The following UHRF2 variants were observed in gnomAD, a reference collection of about 807,000 sequenced individuals.
UHRF2 encodes E3 ubiquitin-protein ligase UHRF2.
In UHRF2, 23 loss-of-function variants were observed where a neutral mutation model predicts 96.8. The observed-to-expected ratio is 0.24, with a 90% CI of 0.17 to 0.34. The LOEUF is 0.34. Among genes scored for constraint, UHRF2 ranks in the 10% least tolerant of loss-of-function variants. The pLI is 1.00. For synonymous variants in UHRF2, 385 were observed against 332.6 expected (o/e 1.16, Z -1.72); for missense variants, 685 against 981.5 (o/e 0.70, Z 4.04).
rs1824317962 is a variant in UHRF2 at position 6,486,818 on chromosome 9, T to C, written c.1393-3T>C. The C allele has an allele frequency of 6.2e-7, 1 of 1,613,914 alleles. No individual in the cohort carries two copies. Among genetic ancestry groups the C allele is most frequent in the Non-Finnish European group, 8.5e-7 (1 of 1,179,828 alleles). On this transcript the variant is annotated splice_polypyrimidine_tract_variant and splice_region_variant and intron_variant, in intron 8 of 15. Coordinates refer to ENST00000276893, the MANE Select transcript of UHRF2 (RefSeq NM_152896.3). Reference sequence around the variant, plus strand: ...TTTGAGACTCTCTTTAATTGTTTTATAGGTGAGCGAAGCAGGTGTTCACAG... The same window carrying C: ...TTTGAGACTCTCTTTAATTGTTTTACAGGTGAGCGAAGCAGGTGTTCACAG...
rs1390688776 is a variant in UHRF2, at chr9:6,497,981, T to G, written c.1768-37T>G. On this transcript the variant is annotated intron_variant, in intron 11 of 15. Coordinates refer to ENST00000276893, the MANE Select transcript of UHRF2 (RefSeq NM_152896.3). Reference sequence around the variant, plus strand: ...CTAATGTGATGAATAAGTCTAAATTTTAAATCTCAAACTGGCACTGAAATA... The same window carrying G: ...CTAATGTGATGAATAAGTCTAAATTGTAAATCTCAAACTGGCACTGAAATA... The G allele has an allele frequency of 2.5e-6, 4 of 1,606,010 alleles. No individual in the cohort carries two copies. The South Asian group carries it at 4.4e-5, about 18-fold the overall frequency.
At chr9:6,476,923 G>C (rs373779568) in intron 5 of UHRF2, among the ~76,000 whole-genome samples, 1 of 152,068 alleles carries the variant, frequency 6.6e-6, no homozygotes, top group African/African-American at 2.4e-5. Flanking sequence ...CCTCACACTT[G>C]ATTATTCTTT....
intron 4 of UHRF2, among the ~76,000 whole-genome samples, chr9:6,470,990 TAAAA>T (rs1289252330): frequency 1.3e-5 from 2 of 151,980 alleles, no homozygotes; most frequent in African/African-American, 4.8e-5. Context: ...TAGATTAAAA[TAAAA>T]AAATCCACAT....
chr9:6,494,928 C>G (rs1056992014), intron 10 of UHRF2: 2 of 152,116 alleles, frequency 1.3e-5, no homozygotes, highest in Non-Finnish European at 1.5e-5. Flanking sequence ...TTTTACTGAA[C>G]CAGCAGAGGA....
At chr9:6,443,090 T>C (rs1361356117) in intron 3 of UHRF2, among the ~76,000 whole-genome samples, 4 of 152,196 alleles carry the variant, frequency 2.6e-5, no homozygotes, top group African/African-American at 9.7e-5. Context: ...CAAGGAAGTG[T>C]CTATGTAAAG....
In UHRF2 at chr9:6,488,669, T is replaced by C. The variant is rs902710103; in HGVS notation, c.1497+1744T>C. Among the ~76,000 whole-genome samples the C allele has an allele frequency of 1.5e-4, 22 of 149,864 alleles. No homozygotes were observed. The South Asian group carries it at 4.7e-3, about 32-fold the overall frequency. On this transcript the variant is annotated intron_variant, in intron 9 of 15. Coordinates refer to ENST00000276893, the MANE Select transcript of UHRF2 (RefSeq NM_152896.3). ...GCTGGGATTACAGGCGGCCGGTTAA[T>C]TTTTGTGTTTTTACTAGAGATGGGG...
At chr9:6,418,016 C>T (rs1012462627) in intron 1 of UHRF2, among the ~76,000 whole-genome samples, 1 of 152,102 alleles carries the variant, frequency 6.6e-6, no homozygotes, top group Non-Finnish European at 1.5e-5. Flanking sequence ...AGTTAATTTG[C>T]ATGTTTTATA....
At chr9:6,500,009 G>C (rs947880833) in intron 13 of UHRF2, 78 bp downstream of exon 13, 1 of 1,171,770 alleles carries the variant, frequency 8.5e-7, no homozygotes, top group African/African-American at 1.5e-5. Context: ...TCTCACTCTT[G>C]TCACCCAGGC....
At chr9:6,426,950 T>C (rs1476607092) in intron 2 of UHRF2, among the ~76,000 whole-genome samples, 1 of 151,430 alleles carries the variant, frequency 6.6e-6, no homozygotes, top group East Asian at 1.9e-4. Context: ...GATTTCACCA[T>C]GTTGGCTAGG....
At chr9:6,477,863 G>A (rs2130899638) in intron 6 of UHRF2, 55 bp downstream of exon 6, 1 of 1,433,918 alleles carries the variant, frequency 7.0e-7, no homozygotes, top group East Asian at 2.3e-5. Context: ...CATGAAATAT[G>A]TATTTGAACC....
intron 4 of UHRF2, among the ~76,000 whole-genome samples, chr9:6,471,408 CAT>C (rs1453555955): frequency 6.6e-6 from 1 of 152,230 alleles, no homozygotes; most frequent in African/African-American, 2.4e-5. Context: ...TACTCACCCT[CAT>C]GTGGTTTTCA....
chr9:6,443,690 T>C (rs572875165), intron 3 of UHRF2, among the ~76,000 whole-genome samples: 9 of 152,370 alleles, frequency 5.9e-5, no homozygotes, highest in African/African-American at 2.2e-4. Context: ...CTTTTTAGTA[T>C]TAAAAGGGTT....
chr9:6,447,395 T>C (rs868156228), intron 3 of UHRF2, among the ~76,000 whole-genome samples: 9 of 152,110 alleles, frequency 5.9e-5, no homozygotes, highest in African/African-American at 1.9e-4. Context: ...TGCTCCTCAG[T>C]GAAAAATTGC....
intron 3 of UHRF2, among the ~76,000 whole-genome samples, chr9:6,444,280 G>GTTC (rs1320074294): frequency 6.6e-6 from 1 of 152,198 alleles, no homozygotes; most frequent in East Asian, 1.9e-4. Flanking sequence ...AAGACTTAGA[G>GTTC]TATTTCCTCT....
chr9:6,489,043 C>G (rs964787050), intron 9 of UHRF2, among the ~76,000 whole-genome samples: 1 of 152,046 alleles, frequency 6.6e-6, no homozygotes, highest in East Asian at 1.9e-4. Context: ...CTCCTGACCT[C>G]AAGTGACCCG....
intron 1 of UHRF2, among the ~76,000 whole-genome samples, chr9:6,419,581 T>C (rs1273768308): frequency 6.6e-6 from 1 of 152,242 alleles, no homozygotes; most frequent in Non-Finnish European, 1.5e-5. Context: ...CTTAATGTCT[T>C]TATGAAAAAT....
intron 1 of UHRF2, among the ~76,000 whole-genome samples, chr9:6,420,218 G>C (rs1819849048): frequency 6.6e-6 from 1 of 151,818 alleles, no homozygotes; most frequent in Non-Finnish European, 1.5e-5. Flanking sequence ...ACCACGCCCA[G>C]CTAATACTTT....
chr9:6,463,241 A>G (rs977439750), intron 4 of UHRF2, among the ~76,000 whole-genome samples: 1 of 151,888 alleles, frequency 6.6e-6, no homozygotes. Context: ...AGGTCATGCC[A>G]TTGCACTCCA....
chr9:6,414,912 A>G lies in UHRF2; in HGVS notation c.153+1269A>G, dbSNP rs368890438. ...ACTTCTTAGTGTTTGACTTGTAAAA[A>G]CAGGTATTTAGTTGTAAGCTTTGCT... On this transcript the variant is annotated intron_variant, in intron 1 of 15. Coordinates refer to ENST00000276893, the MANE Select transcript of UHRF2 (RefSeq NM_152896.3). Among the ~76,000 whole-genome samples, 28 of 152,328 alleles carry G rather than the reference A, an allele frequency of 1.8e-4. No individual in the cohort carries two copies. In the South Asian group the frequency reaches 5.4e-3, roughly 29 times the overall value.
Sources: gnomAD v4.1 joint callset for allele counts (sites outside exome capture counted in the v4.1 genomes callset) on GRCh38, gnomAD v4.1.1 for gene constraint, MANE v1.5 for transcripts, NCBI Gene and HGNC (gene_info 2026-07-23, HGNC 2026-07-21) for gene names.